DNAH7: variants seen among roughly 807,000 people sequenced by gnomAD.
The protein encoded by DNAH7 is dynein axonemal heavy chain 7, also known as axonemal beta dynein heavy chain 7.
Under a neutral mutation model 444.6 loss-of-function variants are expected in DNAH7, and 397 were observed. The observed-to-expected ratio is 0.89, with a 90% CI of 0.82 to 0.97. The LOEUF is 0.97. Ranked by LOEUF, DNAH7 falls within the 50% of genes least tolerant of loss-of-function variation. The probability of loss-of-function intolerance (pLI) is 0.00; values close to 1 mark genes in which losing one functional copy is unlikely to be tolerated. For synonymous variants in DNAH7, 1,636 were observed against 1,624.4 expected (o/e 1.01, Z -0.17); for missense variants, 4,902 against 4,800.8 (o/e 1.02, Z -0.62).
chr2:195,995,452 G>A (rs1693636990), intron 12 of DNAH7: 1 of 390,594 alleles, frequency 2.6e-6, no homozygotes, highest in Non-Finnish European at 5.0e-6. Flanking sequence ...GGACTTCATA[G>A]AGCAGCTCTT....
At chr2:196,043,445 C>T (rs887442569) in intron 5 of DNAH7, among the ~76,000 whole-genome samples, 24 of 152,092 alleles carry the variant, frequency 1.6e-4, no homozygotes, top group Non-Finnish European at 2.5e-4. Flanking sequence ...AATCTAAGAT[C>T]TGAAACCATA....
Position 195,738,119 on chromosome 2 carries a change from T to C in DNAH7, c.11877A>G (p.Leu3959=). The C allele has an allele frequency of 6.2e-7, 1 of 1,613,650 alleles. No homozygotes were observed. ...GTATATCTGCCCTCTTACAGGGCTT[T>C]AGCCACATCTGGAAGAAAGTACATA... ...ILYDTVPVMW[L]KPCKRADIPK... Residue 3959 remains leucine (L), a synonymous_variant, in exon 65 of 65, where the codon CTA becomes CTG. Coordinates refer to ENST00000312428, the MANE Select transcript of DNAH7 (RefSeq NM_018897.3).
At chr2:195,926,302 G>T in intron 22 of DNAH7, 124 bp downstream of exon 22, 1 of 850,418 alleles carries the variant, frequency 1.2e-6, no homozygotes, top group South Asian at 5.3e-5. Flanking sequence ...CTGTAATTTG[G>T]CTTGCAGCAT....
In DNAH7 at chr2:195,778,671, C is replaced by T. The variant is rs569530316; in HGVS notation, c.10879-686G>A. ...ATATATATATATATATATATATATA[C>T]ACACACACACATATATATACACATA... On this transcript the variant is annotated intron_variant, in intron 58 of 64. Coordinates refer to ENST00000312428, the MANE Select transcript of DNAH7 (RefSeq NM_018897.3). Among the ~76,000 whole-genome samples the T allele has an allele frequency of 1.1e-3, 62 of 56,242 alleles. 1 individual carries two copies. The highest frequency in any genetic ancestry group is 3.3e-3 in the African/African-American group (29 of 8,904). 36.9% of individuals were successfully genotyped at this position (56,242 alleles called of 152,430 possible).
At chr2:195,841,649 GCTTA>G (rs1315065878) in intron 47 of DNAH7, among the ~76,000 whole-genome samples, 1 of 151,106 alleles carries the variant, frequency 6.6e-6, no homozygotes, top group Non-Finnish European at 1.5e-5. Flanking sequence ...ACATTTACTT[GCTTA>G]CTTCTTCTCC....
At chr2:195,892,567 A>T (rs998704076) in intron 30 of DNAH7, 8 of 151,990 alleles carry the variant, frequency 5.3e-5, no homozygotes, top group Non-Finnish European at 1.2e-4. Context: ...TACTCTCTCT[A>T]CTACCAAGAC....
At chr2:195,988,390 G>A (rs372915586) in intron 12 of DNAH7, among the ~76,000 whole-genome samples, 161 bp from the exon 13 acceptor site, 1 of 151,978 alleles carries the variant, frequency 6.6e-6, no homozygotes, top group Non-Finnish European at 1.5e-5. Context: ...TAGACTAATT[G>A]CAGCAGTGTT....
intron 63 of DNAH7, among the ~76,000 whole-genome samples, chr2:195,741,932 A>T (rs1030419135): frequency 6.6e-6 from 1 of 152,200 alleles, no homozygotes; most frequent in Admixed American, 6.5e-5. Flanking sequence ...TTTTATTTTA[A>T]TTATAGTTAA....
chr2:195,772,644 T>C (rs904388883), intron 60 of DNAH7, among the ~76,000 whole-genome samples: 1 of 152,188 alleles, frequency 6.6e-6, no homozygotes, highest in East Asian at 1.9e-4. Flanking sequence ...CAAAGGAAAC[T>C]GTGTTTAGTC....
chr2:195,784,751 G>A (rs1425866037), intron 58 of DNAH7, among the ~76,000 whole-genome samples: 1 of 152,134 alleles, frequency 6.6e-6, no homozygotes, highest in African/African-American at 2.4e-5. Context: ...TTAGCATTTG[G>A]TGGTGTCAAT....
chr2:195,816,588 C>T lies in DNAH7; in HGVS notation c.9761+40G>A, dbSNP rs778422908. 15 of 1,389,920 alleles carry T rather than the reference C, an allele frequency of 1.1e-5. No individual in the cohort carries two copies. In the African/African-American group the frequency reaches 1.6e-4, roughly 15 times the overall value. 86.1% of individuals were successfully genotyped at this position (1,389,920 alleles called of 1,614,324 possible). A position where few individuals can be genotyped will look rare whatever the true frequency, so the allele number is the denominator to read the frequency against. On this transcript the variant is annotated intron_variant, in intron 51 of 64. Transcript: ENST00000312428. ...TCACAAATTACTCTCTGATTTCATG[C>T]ATTAATTAGTTAATATTAACTAGTA...
intron 56 of DNAH7, 146 bp from the exon 57 acceptor site, chr2:195,794,684 A>C (rs1164781834): frequency 2.8e-6 from 2 of 720,578 alleles, no homozygotes; most frequent in East Asian, 2.7e-5. Flanking sequence ...CAAAAGCTTT[A>C]AAATCTGATG....
At position 195,773,749 on chromosome 2, in the gene DNAH7, G is replaced by C. The variant is rs142634123; in HGVS notation, c.11203-1859C>G. Among the ~76,000 whole-genome samples, 76 of 152,290 alleles carry C rather than the reference G, an allele frequency of 5.0e-4. 2 individuals carry two copies. The highest frequency in any genetic ancestry group is 1.8e-3 in the African/African-American group (75 of 41,566). On this transcript the variant is annotated intron_variant, in intron 60 of 64. Coordinates refer to ENST00000312428, the MANE Select transcript of DNAH7 (RefSeq NM_018897.3). ...GACATCAGAAAGTTTAACCTTTTCA[G>C]AGATCCTAGACTATTATCTAGTTTT...
At chr2:196,036,832 TG>T (rs1053438882) in intron 5 of DNAH7, among the ~76,000 whole-genome samples, 2 of 152,188 alleles carry the variant, frequency 1.3e-5, no homozygotes, top group African/African-American at 4.8e-5. Flanking sequence ...AGTGCCCACA[TG>T]CTCTGCCTAG....
chr2:195,752,270 CAAA>C (rs67890551), intron 63 of DNAH7, among the ~76,000 whole-genome samples: 53 of 132,662 alleles, frequency 4.0e-4, no homozygotes, highest in East Asian at 9.0e-4. Flanking sequence ...GACCCTATCT[CAAA>C]AAAAAAAAAA....
intron 51 of DNAH7, 81 bp downstream of exon 51, chr2:195,816,545 CTG>C: frequency 9.6e-7 from 1 of 1,042,744 alleles, no homozygotes; most frequent in Non-Finnish European, 1.4e-6. Context: ...TTGTACCACT[CTG>C]AGACAACAAT....
At chr2:196,051,153 A>C in intron 3 of DNAH7, 34 bp downstream of exon 3, 1 of 1,587,436 alleles carries the variant, frequency 6.3e-7, no homozygotes, top group Non-Finnish European at 8.6e-7. Context: ...TTTGAAGCAC[A>C]AAAATTCAAT....
chr2:196,016,643 T>C (rs1203220638), intron 9 of DNAH7, among the ~76,000 whole-genome samples: 1 of 152,212 alleles, frequency 6.6e-6, no homozygotes, highest in Non-Finnish European at 1.5e-5. Context: ...CCCTGTATAA[T>C]CTCATTACAT....
chr2:195,781,317 T>G (rs1695362170), intron 58 of DNAH7, among the ~76,000 whole-genome samples: 1 of 152,184 alleles, frequency 6.6e-6, no homozygotes, highest in Non-Finnish European at 1.5e-5. Flanking sequence ...CTTTGTGATG[T>G]AGACATAGAT....
Sources: gnomAD v4.1 joint callset for allele counts (sites outside exome capture counted in the v4.1 genomes callset) on GRCh38, gnomAD v4.1.1 for gene constraint, MANE v1.5 for transcripts, NCBI Gene and HGNC (gene_info 2026-07-23, HGNC 2026-07-21) for gene names.